Variants in MEIOB observed in about 807,000 individuals in gnomAD.
The protein encoded by MEIOB is meiosis-specific with OB domain-containing protein.
In MEIOB, 50 loss-of-function variants were observed where a neutral mutation model predicts 53.1. That is an observed-to-expected ratio of 0.94 (90% CI 0.75 to 1.19). The LOEUF (loss-of-function observed/expected upper bound fraction) is 1.19. Among genes scored for constraint, MEIOB ranks in the 50% most tolerant of loss-of-function variants. The pLI is 0.00. For missense variants in MEIOB, 551 were observed against 550.8 expected (o/e 1.00, Z 0.00); for synonymous variants, 192 against 182.5 (o/e 1.05, Z -0.42).
intron 6 of MEIOB, 120 bp downstream of exon 6, chr16:1,857,615 T>TAC: frequency 1.5e-6 from 1 of 682,008 alleles, no homozygotes; most frequent in East Asian, 2.8e-5. Context: ...TTCAGCATAC[T>TAC]ACCAAGATAG....
In MEIOB at chr16:1,834,341, C is replaced by A; in HGVS notation, c.1331G>T (p.Ser444Ile). Residue 444 changes from serine to isoleucine, a missense_variant, in exon 14 of 14, where the codon AGT (serine) becomes ATT (isoleucine). Transcript: ENST00000325962. Reference sequence around the variant, plus strand: ...CGAGAGTACACTAATTTTCAATCCACTCCTTGCTCTGTGTGATAGAACGAA... The same window carrying A: ...CGAGAGTACACTAATTTTCAATCCAATCCTTGCTCTGTGTGATAGAACGAA... ...LKFVLSHRAR[S>I]GLKISVLSCK... is the part of the protein sequence containing the mutation. 6.2e-7 allele frequency: 1 copy of A among 1,610,626 alleles called. No individual in the cohort carries two copies. Among genetic ancestry groups the A allele is most frequent in the Non-Finnish European group, 8.5e-7 (1 of 1,177,178 alleles).
chr16:1,854,160 T>G lies in MEIOB; in HGVS notation c.569A>C (p.Lys190Thr). ...GAGTCTAACTTCACACCTCTGGCCT[T>G]TTCTCCGGTCTGAAGTTGTAAAGTA... ...PKYFTTSDRR[K>T]GQRCEVRLYD... The change falls in exon 7 of 14, where the codon AAA becomes ACA. Residue 190 changes from lysine to threonine, a missense_variant. Coordinates refer to ENST00000325962, the MANE Select transcript of MEIOB (RefSeq NM_001163560.3). 6.4e-7 allele frequency: 1 copy of G among 1,551,002 alleles called. No individual in the cohort carries two copies. Among genetic ancestry groups the G allele is most frequent in the Non-Finnish European group, 8.7e-7 (1 of 1,146,614 alleles).
intron 4 of MEIOB, 46 bp downstream of exon 4, chr16:1,861,939 G>A (rs200579457): frequency 3.9e-6 from 6 of 1,522,380 alleles, no homozygotes; most frequent in South Asian, 2.5e-5. Flanking sequence ...CATACCACAG[G>A]AATAACACTA....
At chr16:1,859,940 C>T (rs539320126) in intron 5 of MEIOB, among the ~76,000 whole-genome samples, 1 of 152,318 alleles carries the variant, frequency 6.6e-6, no homozygotes, top group Non-Finnish European at 1.5e-5. Flanking sequence ...CAGGTGAACC[C>T]ACTTCTCTGC....
chr16:1,850,156 GT>G (rs1459845861), intron 9 of MEIOB, among the ~76,000 whole-genome samples: 4 of 152,122 alleles, frequency 2.6e-5, no homozygotes, highest in Non-Finnish European at 4.4e-5. Flanking sequence ...GAGATCTTGA[GT>G]TTTTTATACC....
rs202147878 is a variant in MEIOB, at chr16:1,842,623, C to CAAAAAAAAAAAAAAAA, written c.881-651_881-650insTTTTTTTTTTTTTTTT. Among the ~76,000 whole-genome samples, 93 of 97,772 alleles carry CAAAAAAAAAAAAAAAA rather than the reference C, an allele frequency of 9.5e-4. 9 individuals carry two copies. Among genetic ancestry groups the CAAAAAAAAAAAAAAAA allele is most frequent in the East Asian group, 1.6e-3 (4 of 2,494 alleles). 64.1% of individuals were successfully genotyped at this position (97,772 alleles called of 152,430 possible). On this transcript the variant is annotated intron_variant, in intron 10 of 13. Coordinates refer to ENST00000325962, the MANE Select transcript of MEIOB (RefSeq NM_001163560.3). The stretch of plus-strand genomic sequence containing the variant: ...GGGCAACAAGAGCAAAACTCCATCT[C>CAAAAAAAAAAAAAAAA]AAAAAGACAGTGACTCGATTTTTTT...
chr16:1,847,579 A>C lies in MEIOB; in HGVS notation c.779-2616T>G, dbSNP rs74739209. On this transcript the variant is annotated intron_variant, in intron 9 of 13. Coordinates refer to ENST00000325962, the MANE Select transcript of MEIOB (RefSeq NM_001163560.3). Reference sequence around the variant, plus strand: ...TGAGGTCAGGAGTTTGAGACCCCCCAAAAAAAAGAAGAAAAGAGAAGAGGG... The same window carrying C: ...TGAGGTCAGGAGTTTGAGACCCCCCCAAAAAAAGAAGAAAAGAGAAGAGGG... 6.0e-3 allele frequency among the ~76,000 whole-genome samples: 908 copies of C among 151,818 alleles called. 34 individuals are homozygous for C. In the East Asian group the frequency reaches 0.11, roughly 18 times the overall value.
At chr16:1,871,132 T>C (rs1001401937) in intron 1 of MEIOB, among the ~76,000 whole-genome samples, 5 of 152,100 alleles carry the variant, frequency 3.3e-5, no homozygotes, top group African/African-American at 9.7e-5. Context: ...CTTTAACAGA[T>C]ACAAAATTAA....
chr16:1,842,518 G>A (rs1898936496), intron 10 of MEIOB, among the ~76,000 whole-genome samples: 1 of 149,336 alleles, frequency 6.7e-6, no homozygotes, highest in Non-Finnish European at 1.5e-5. Flanking sequence ...AGCTACTCAG[G>A]AGGCTAAGGC....
chr16:1,870,850 C>T (rs371064402), intron 1 of MEIOB, among the ~76,000 whole-genome samples: 1 of 152,158 alleles, frequency 6.6e-6, no homozygotes, highest in African/African-American at 2.4e-5. Context: ...TTCAACCATT[C>T]AACTAATATT....
In MEIOB at chr16:1,837,797, T is replaced by A; in HGVS notation, c.1292A>T (p.Lys431Ile). ...LKWQFLLERS[K>I]IYLKFVLSHR... ...AAATGCACTAACTTTTAAATAAATT[T>A]TGCTTCTTTCCAAGAGAAATTGCCA... is the stretch of plus-strand genomic sequence containing the variant. Residue 431 changes from lysine to isoleucine, a missense_variant, in exon 13 of 14, where the codon AAA (lysine) becomes ATA (isoleucine). Transcript: ENST00000325962. 1 of 1,520,394 alleles carries A rather than the reference T, an allele frequency of 6.6e-7. No homozygotes were observed. Among genetic ancestry groups the A allele is most frequent in the Non-Finnish European group, 8.9e-7 (1 of 1,124,244 alleles). 94.2% of individuals were successfully genotyped at this position (1,520,394 alleles called of 1,614,324 possible). A position where few individuals can be genotyped will look rare whatever the true frequency, so the allele number is the denominator to read the frequency against.
chr16:1,853,744 G>A (rs764393811), intron 7 of MEIOB, among the ~76,000 whole-genome samples: 3 of 152,120 alleles, frequency 2.0e-5, no homozygotes, highest in South Asian at 2.1e-4. Flanking sequence ...CCCCACCCTG[G>A]CCCACGTGCC....
chr16:1,871,216 A>G (rs1414145966), intron 1 of MEIOB, among the ~76,000 whole-genome samples: 1 of 148,864 alleles, frequency 6.7e-6, no homozygotes, highest in East Asian at 2.0e-4. Context: ...TTACCCTACA[A>G]TTTTGTTTTG....
At chr16:1,851,477 G>A (rs1657116) in intron 9 of MEIOB, among the ~76,000 whole-genome samples, 125,805 of 152,072 alleles carry the variant, frequency 0.83, 52,167 homozygotes, top group Middle Eastern at 0.9. Context: ...CTCCCTGCTG[G>A]AGGGTAAACT....
intron 6 of MEIOB, among the ~76,000 whole-genome samples, chr16:1,855,337 CAGG>C (rs1596977135): frequency 6.6e-6 from 1 of 152,080 alleles, no homozygotes; most frequent in East Asian, 1.9e-4. Flanking sequence ...GAGGCTGAGG[CAGG>C]AGAATTGCTT....
At chr16:1,871,468 C>G (rs976659817) in intron 1 of MEIOB, among the ~76,000 whole-genome samples, 1 of 140,142 alleles carries the variant, frequency 7.1e-6, no homozygotes, top group Non-Finnish European at 1.5e-5. Flanking sequence ...ATCCACCCGC[C>G]TCGGCCTCCC....
chr16:1,847,187 C>T (rs1397006876), intron 9 of MEIOB, among the ~76,000 whole-genome samples: 3 of 151,258 alleles, frequency 2.0e-5, no homozygotes, highest in East Asian at 1.9e-4. Flanking sequence ...TTGGGCCGGG[C>T]GCTGTGGCTC....
At chr16:1,845,228 A>G (rs1353801870) in intron 9 of MEIOB, among the ~76,000 whole-genome samples, 1 of 152,178 alleles carries the variant, frequency 6.6e-6, no homozygotes, top group South Asian at 2.1e-4. Flanking sequence ...AAAAATCTAC[A>G]TATATAAGGG....
At chr16:1,840,920 TAGAG>T (rs1381574254) in intron 11 of MEIOB, 1 of 151,980 alleles carries the variant, frequency 6.6e-6, no homozygotes, top group African/African-American at 2.4e-5. Flanking sequence ...TAAAAATCCA[TAGAG>T]AGACTTTCCT....
Sources: gnomAD v4.1 joint callset for allele counts (sites outside exome capture counted in the v4.1 genomes callset) on GRCh38, gnomAD v4.1.1 for gene constraint, MANE v1.5 for transcripts, NCBI Gene and HGNC (gene_info 2026-07-23, HGNC 2026-07-21) for gene names.